The following L1TD1 variants were observed in gnomAD, a reference collection of about 807,000 sequenced individuals.
L1TD1 encodes the protein LINE1 type transposase domain containing 1.
A neutral mutation model predicts 25.7 loss-of-function variants in L1TD1; 26 were observed. The observed-to-expected ratio is 1.01, with a 90% confidence interval of 0.74 to 1.40. The LOEUF (loss-of-function observed/expected upper bound fraction) is 1.40. L1TD1 is among the 40% of genes most tolerant of loss of function. The pLI, the probability that L1TD1 is intolerant of heterozygous loss-of-function variation, is 0.00. For missense variants in L1TD1, 1,130 were observed against 975.0 expected (o/e 1.16, Z -2.12); for synonymous variants, 421 against 335.6 (o/e 1.25, Z -2.78).
In L1TD1 at chr1:62,197,257, C is replaced by T. The variant is rs191188601; in HGVS notation, c.-111+729C>T. ...CCAAAATTAGCTGGGCATGGTGGCA[C>T]GCTCCTGTAGTCCCAGCTACGTGGG... On this transcript the variant is annotated intron_variant, in intron 2 of 3. Transcript: ENST00000498273. 3.3e-3 allele frequency among the ~76,000 whole-genome samples: 502 copies of T among 151,434 alleles called. 5 individuals are homozygous for T. Among genetic ancestry groups the T allele is most frequent in the African/African-American group, 0.012 (488 of 41,222 alleles).
At position 62,211,424 on chromosome 1, in the gene L1TD1, A is replaced by G. The variant is rs756933372; in HGVS notation, c.*52A>G. The G allele has an allele frequency of 3.3e-6, 5 of 1,521,574 alleles. No homozygotes were observed. The highest frequency in any genetic ancestry group is 2.1e-4 in the Middle Eastern group (1 of 4,660). The allele number at this position is 1,521,574 out of a possible 1,614,324, so 94.3% of individuals were successfully genotyped here. A position where few individuals can be genotyped will look rare whatever the true frequency, so the allele number is the denominator to read the frequency against. ...GCTTTCCTCCCCCAGCATGCATCCAAAAATCAACAAGTAAAACGAAAATAC... is the reference window on the plus strand; with the variant it reads ...GCTTTCCTCCCCCAGCATGCATCCAGAAATCAACAAGTAAAACGAAAATAC... On this transcript the variant is annotated 3_prime_UTR_variant, in exon 4 of 4. Coordinates refer to ENST00000498273, the MANE Select transcript of L1TD1 (RefSeq NM_019079.5).
In L1TD1 at chr1:62,211,003, T is replaced by G; in HGVS notation, c.2229T>G (p.Ala743=). The G allele has an allele frequency of 1.3e-6, 2 of 1,545,808 alleles. No homozygotes were observed. The highest frequency in any genetic ancestry group is 1.7e-6 in the Non-Finnish European group (2 of 1,145,664). The stretch of plus-strand genomic sequence containing the variant: ...GTTCAAGTCTTGAGATTGTCAGTGC[T>G]TGTCGAGTACCTAGTAAAATTGATG... The part of the protein sequence containing the change: ...KKGSSLEIVS[A]CRVPSKIDEK... Residue 743 remains alanine (A), a synonymous_variant, in exon 4 of 4, where the codon GCT becomes GCG. Coordinates refer to ENST00000498273, the MANE Select transcript of L1TD1 (RefSeq NM_019079.5).
At position 62,210,463 on chromosome 1, in the gene L1TD1, G is replaced by C. The variant is rs750695998; in HGVS notation, c.1689G>C (p.Glu563Asp). Residue 563 changes from glutamate (E) to aspartate (D), a missense_variant, in exon 4 of 4, where the codon GAG becomes GAC. Glu to Asp is a conservative substitution (Grantham distance 45). Coordinates refer to ENST00000498273, the MANE Select transcript of L1TD1 (RefSeq NM_019079.5). ...TGGCCTCTCCCTCAAAGTCACTAGA[G>C]ATGAGTCATGATGAGCATAAAAAGC... Reference protein sequence around the residue: ...LCLASPSKSLEMSHDEHKKHS... With the variant: ...LCLASPSKSLDMSHDEHKKHS... 1.2e-6 allele frequency: 2 copies of C among 1,614,140 alleles called. No homozygotes were observed. The highest frequency in any genetic ancestry group is 2.2e-5 in the South Asian group (2 of 91,078).
rs772182965 is a variant in L1TD1, at chr1:62,206,891, C to T, written c.263C>T (p.Pro88Leu). The change falls in exon 3 of 4, where the codon CCT (proline) becomes CTT (leucine). Residue 88 changes from proline to leucine, a missense_variant. Pro to Leu is a moderately conservative substitution (Grantham distance 98, BLOSUM62 -3). Coordinates refer to ENST00000498273, the MANE Select transcript of L1TD1 (RefSeq NM_019079.5). Reference protein sequence around the residue: ...KAVLGGKATIPEVKNSENSSS... With the variant: ...KAVLGGKATILEVKNSENSSS... ...GTTTTAGGGGGAAAAGCTACAATACCTGAGGTAAAGAATTCAGAGAACTCC... is the reference window on the plus strand; with the variant it reads ...GTTTTAGGGGGAAAAGCTACAATACTTGAGGTAAAGAATTCAGAGAACTCC... 3 of 1,613,518 alleles carry T rather than the reference C, an allele frequency of 1.9e-6. No homozygotes were observed. The highest frequency in any genetic ancestry group is 2.2e-5 in the South Asian group (2 of 91,030).
At chr1:62,201,192 G>A (rs1670632824) in intron 2 of L1TD1, among the ~76,000 whole-genome samples, 1 of 152,084 alleles carries the variant, frequency 6.6e-6, no homozygotes, top group Admixed American at 6.6e-5. Flanking sequence ...ACTTCCCAAA[G>A]TGCTGGGATT....
Position 62,207,000 on chromosome 1 carries a change from T to C in L1TD1, c.372T>C (p.Ser124=). 1 of 1,613,042 alleles carries C rather than the reference T, an allele frequency of 6.2e-7. No homozygotes were observed. Among genetic ancestry groups the C allele is most frequent in the Non-Finnish European group, 8.5e-7 (1 of 1,179,746 alleles). ...TAGGGAAAATAGAAGGAGAAAACTC[T>C]AAAATAGGTGATGATAATGAAAATT... ...GMVGKIEGEN[S]KIGDDNENLT... The change falls in exon 3 of 4, where the codon TCT becomes TCC. Residue 124 remains serine (S), a synonymous_variant. Transcript: ENST00000498273.
intron 2 of L1TD1, among the ~76,000 whole-genome samples, chr1:62,205,664 C>T (rs1192621926): frequency 6.6e-6 from 1 of 151,586 alleles, no homozygotes. Context: ...CTCCTGACCT[C>T]AAATGATCCA....
chr1:62,211,109 G>A lies in L1TD1; in HGVS notation c.2335G>A (p.Glu779Lys), dbSNP rs923745347. The A allele has an allele frequency of 4.3e-5, 66 of 1,549,352 alleles. No individual in the cohort carries two copies. Among genetic ancestry groups the A allele is most frequent in the Non-Finnish European group, 5.4e-5 (62 of 1,146,560 alleles). Reference protein sequence around the residue: ...DKEKIIRASRERREITYQGTR... With the variant: ...DKEKIIRASRKRREITYQGTR... ...AGAGAAAATAATAAGGGCTTCTAGAGAGAGAAGAGAAATTACCTACCAAGG... is the reference window on the plus strand; with the variant it reads ...AGAGAAAATAATAAGGGCTTCTAGAAAGAGAAGAGAAATTACCTACCAAGG... Residue 779 changes from glutamate (E) to lysine (K), a missense_variant, in exon 4 of 4, where the codon GAG becomes AAG. Coordinates refer to ENST00000498273, the MANE Select transcript of L1TD1 (RefSeq NM_019079.5).
At chr1:62,196,975 G>A (rs1475316329) in intron 2 of L1TD1, among the ~76,000 whole-genome samples, 1 of 152,042 alleles carries the variant, frequency 6.6e-6, no homozygotes, top group Non-Finnish European at 1.5e-5. Flanking sequence ...TCTAGTGTGG[G>A]TCAGGACCCT....
rs1195636077 is a variant in L1TD1, at chr1:62,205,444, T to TA, written c.-110-1075_-110-1074insA. Among the ~76,000 whole-genome samples, 86 of 75,924 alleles carry TA rather than the reference T, an allele frequency of 1.1e-3. 4 individuals carry two copies. Among genetic ancestry groups the TA allele is most frequent in the African/African-American group, 2.7e-3 (62 of 22,832 alleles). 49.8% of individuals were successfully genotyped at this position (75,924 alleles called of 152,430 possible). A position where few individuals can be genotyped will look rare whatever the true frequency, so the allele number is the denominator to read the frequency against. The stretch of plus-strand genomic sequence containing the variant: ...ATATATATATATATATATATATATA[T>TA]TTTTTTTTAGACAGTCTTGCTGTGT... On this transcript the variant is annotated intron_variant, in intron 2 of 3. Transcript: ENST00000498273.
At chr1:62,203,693 C>T (rs560382132) in intron 2 of L1TD1, among the ~76,000 whole-genome samples, 4 of 152,368 alleles carry the variant, frequency 2.6e-5, no homozygotes, top group Admixed American at 2.0e-4. Flanking sequence ...ATTCTCCTGC[C>T]TCAGCCTCCC....
At chr1:62,200,750 G>A (rs573583813) in intron 2 of L1TD1, among the ~76,000 whole-genome samples, 6 of 151,800 alleles carry the variant, frequency 4.0e-5, no homozygotes, top group South Asian at 2.1e-4. Context: ...TAGGCTTTTC[G>A]TTTCCTGAAA....
intron 2 of L1TD1, among the ~76,000 whole-genome samples, chr1:62,198,372 C>A (rs1158425301): frequency 1.4e-4 from 21 of 151,090 alleles, no homozygotes; most frequent in African/African-American, 5.1e-4. Context: ...GTGAGAGATA[C>A]CACACCAAAC....
Position 62,206,835 on chromosome 1 carries a change from G to A in L1TD1, c.207G>A (p.Met69Ile). ...MEIQDLMFEE[M>I]RETLKNDLKA... is the part of the protein sequence containing the mutation. ...TTCAAGACCTGATGTTTGAGGAGAT[G>A]AGGGAAACTCTTAAAAATGACCTAA... The change falls in exon 3 of 4, where the codon ATG (methionine) becomes ATA (isoleucine). Residue 69 changes from methionine to isoleucine, a missense_variant. Met to Ile is a conservative substitution (Grantham distance 10). Coordinates refer to ENST00000498273, the MANE Select transcript of L1TD1 (RefSeq NM_019079.5). 1 of 1,610,168 alleles carries A rather than the reference G, an allele frequency of 6.2e-7. No individual in the cohort carries two copies. Among genetic ancestry groups the A allele is most frequent in the South Asian group, 1.1e-5 (1 of 90,660 alleles).
intron 2 of L1TD1, among the ~76,000 whole-genome samples, chr1:62,205,389 T>TCTCTCTCTCTCTCTCTC (rs1670718755): frequency 1.7e-5 from 1 of 60,302 alleles, no homozygotes; most frequent in Admixed American, 2.4e-4. Flanking sequence ...CTCTCTCTCT[T>TCTCTCTCTCTCTCTCTC]TCTCTCTCTC....
Position 62,210,625 on chromosome 1 carries a change from GAGA to G in L1TD1, c.1854_1856del (p.Arg618del). On this transcript the variant is annotated inframe_deletion, in exon 4 of 4. Coordinates refer to ENST00000498273, the MANE Select transcript of L1TD1 (RefSeq NM_019079.5). ...TAACAGAGGAAACAGAAGAAAACTT[GAGA>G]AGTAGTGTGATTAATAGCATCAGAG... 6.3e-7 allele frequency: 1 copy of G among 1,594,738 alleles called. No homozygotes were observed. The highest frequency in any genetic ancestry group is 8.5e-7 in the Non-Finnish European group (1 of 1,169,878).
In L1TD1 at chr1:62,211,689, G is replaced by GGT; in HGVS notation, c.*318_*319insTG. ...TTTTAGAATTTATATTATCTGGCTG[G>GGT]GCACGGTGGCTCACACCTGTAATCC... On this transcript the variant is annotated 3_prime_UTR_variant, in exon 4 of 4. Coordinates refer to ENST00000498273, the MANE Select transcript of L1TD1 (RefSeq NM_019079.5). 4.8e-6 allele frequency: 1 copy of GGT among 206,770 alleles called. No homozygotes were observed. Among genetic ancestry groups the GGT allele is most frequent in the East Asian group, 1.3e-4 (1 of 7,810 alleles). The allele number at this position is 206,770 out of a possible 1,614,324, so 12.8% of individuals were successfully genotyped here. A position where few individuals can be genotyped will look rare whatever the true frequency, so the allele number is the denominator to read the frequency against.
In L1TD1 at chr1:62,207,340, G is replaced by A. The variant is rs1234339174; in HGVS notation, c.712G>A (p.Asp238Asn). The change falls in exon 3 of 4, where the codon GAT (aspartate) becomes AAT (asparagine). Residue 238 changes from aspartate to asparagine, a missense_variant. Coordinates refer to ENST00000498273, the MANE Select transcript of L1TD1 (RefSeq NM_019079.5). ...KASREEKVLM[D>N]EGAVLTLVAD... is the part of the protein sequence containing the mutation. The stretch of plus-strand genomic sequence containing the variant: ...CTCCAGAGAAGAAAAAGTGTTGATG[G>A]ATGAAGGAGCAGTACTTACCCTGGT... 1 of 1,551,288 alleles carries A rather than the reference G, an allele frequency of 6.4e-7. No individual in the cohort carries two copies. The highest frequency in any genetic ancestry group is 8.7e-7 in the Non-Finnish European group (1 of 1,146,886).
At position 62,210,913 on chromosome 1, in the gene L1TD1, T is replaced by C. The variant is rs772681652; in HGVS notation, c.2139T>C (p.Tyr713=). Reference sequence around the variant, plus strand: ...TAGGAATTCCAGAAAAGGAGAGTTATGAGAATAGGGCAGAGGACATAATTA... The same window carrying C: ...TAGGAATTCCAGAAAAGGAGAGTTACGAGAATAGGGCAGAGGACATAATTA... ...RLIGIPEKES[Y]ENRAEDIIKE... is the part of the protein sequence containing the mutation. The change falls in exon 4 of 4, where the codon TAT becomes TAC. Residue 713 remains tyrosine, a synonymous_variant. Transcript: ENST00000498273. The C allele has an allele frequency of 2.3e-5, 36 of 1,551,300 alleles. No homozygotes were observed. Among genetic ancestry groups the C allele is most frequent in the Middle Eastern group, 1.7e-4 (1 of 6,014 alleles).
Sources: gnomAD v4.1 joint callset for allele counts (sites outside exome capture counted in the v4.1 genomes callset) on GRCh38, gnomAD v4.1.1 for gene constraint, MANE v1.5 for transcripts, NCBI Gene and HGNC (gene_info 2026-07-23, HGNC 2026-07-21) for gene names.